MOB3B: variants seen among roughly 807,000 people sequenced by gnomAD.
MOB3B encodes the protein MOB kinase activator 3B.
MOB3B carries 7 observed loss-of-function variants against 18.7 expected under a neutral mutation model. That is an observed-to-expected ratio of 0.37 (90% CI 0.21 to 0.70). The LOEUF (loss-of-function observed/expected upper bound fraction) is 0.70. Ranked by LOEUF, MOB3B falls within the 30% of genes least tolerant of loss-of-function variation. MOB3B has a pLI of 0.52. For synonymous variants in MOB3B, 111 were observed against 99.9 expected (o/e 1.11, Z -0.66); for missense variants, 253 against 281.3 (o/e 0.90, Z 0.72).
intron 2 of MOB3B, among the ~76,000 whole-genome samples, chr9:27,417,189 C>T (rs752209604): frequency 1.2e-4 from 18 of 152,024 alleles, no homozygotes; most frequent in South Asian, 8.3e-4. Context: ...CCGTGAAACC[C>T]CGTCTCTACT....
At position 27,328,655 on chromosome 9, in the gene MOB3B, G is replaced by T. The variant is rs1024555333; in HGVS notation, c.*1932C>A. 1 of 152,154 alleles carries T rather than the reference G, an allele frequency of 6.6e-6. No individual in the cohort carries two copies. The highest frequency in any genetic ancestry group is 1.5e-5 in the Non-Finnish European group (1 of 68,036). 9.4% of individuals were successfully genotyped at this position (152,154 alleles called of 1,614,324 possible). On this transcript the variant is annotated 3_prime_UTR_variant, in exon 4 of 4. Transcript: ENST00000262244. ...CTTTTTAATGTAAAAATCCTGTGGC[G>T]TTCCATGATGCACAGCTACAGAGTT... is the stretch of plus-strand genomic sequence containing the variant.
intron 1 of MOB3B, among the ~76,000 whole-genome samples, chr9:27,505,886 T>G (rs1456165947): frequency 1.3e-5 from 2 of 152,180 alleles, no homozygotes; most frequent in Non-Finnish European, 2.9e-5. Flanking sequence ...CTCTTCCTTC[T>G]CTTTGACTCT....
At chr9:27,402,931 G>A (rs996958577) in intron 2 of MOB3B, among the ~76,000 whole-genome samples, 1 of 152,198 alleles carries the variant, frequency 6.6e-6, no homozygotes, top group African/African-American at 2.4e-5. Flanking sequence ...ACCCTCCCAT[G>A]GTACTGTATA....
Position 27,378,717 on chromosome 9 carries a change from C to T in MOB3B, c.419-19481G>A, listed in dbSNP as rs751953193. The T allele has an allele frequency of 2.3e-5, 11 of 470,464 alleles. 1 individual carries two copies. The highest frequency in any genetic ancestry group is 1.7e-4 in the South Asian group (11 of 64,474). 29.1% of individuals were successfully genotyped at this position (470,464 alleles called of 1,614,324 possible). A position where few individuals can be genotyped will look rare whatever the true frequency, so the allele number is the denominator to read the frequency against. ...TGTGCATCTTTGAGTATTGCATGTG[C>T]ATGGGCAGAGCTGGGCATGTGACCA... On this transcript the variant is annotated intron_variant, in intron 2 of 3. Transcript: ENST00000262244.
chr9:27,432,083 A>G (rs1217793004), intron 2 of MOB3B, among the ~76,000 whole-genome samples: 1 of 152,224 alleles, frequency 6.6e-6, no homozygotes, highest in East Asian at 1.9e-4. Flanking sequence ...AAAATAAACC[A>G]GAAACTTGCA....
chr9:27,455,239 G>A lies in MOB3B; in HGVS notation c.312C>T (p.Leu104=). ...PKYEYRWQDD[L]KYKKPTALPA... ...GCAGCGCTGTTGGCTTCTTATACTTGAGATCATCCTGCCACCGATACTCAT... is the reference window on the plus strand; with the variant it reads ...GCAGCGCTGTTGGCTTCTTATACTTAAGATCATCCTGCCACCGATACTCAT... The change falls in exon 2 of 4, where the codon CTC becomes CTT. Residue 104 remains leucine, a synonymous_variant. Transcript: ENST00000262244. 6.2e-7 allele frequency: 1 copy of A among 1,614,134 alleles called. No individual in the cohort carries two copies. The highest frequency in any genetic ancestry group is 8.5e-7 in the Non-Finnish European group (1 of 1,180,008).
intron 3 of MOB3B, among the ~76,000 whole-genome samples, chr9:27,342,488 C>A (rs1052745837): frequency 2.0e-5 from 3 of 151,826 alleles, no homozygotes; most frequent in Admixed American, 6.6e-5. Context: ...TCTCCCCGGT[C>A]TCCCTCTGAT....
intron 1 of MOB3B, among the ~76,000 whole-genome samples, chr9:27,461,831 A>C (rs1457048574): frequency 6.6e-6 from 1 of 152,238 alleles, no homozygotes; most frequent in Non-Finnish European, 1.5e-5. Context: ...TTTTCAGCAA[A>C]AACCTATAAT....
intron 1 of MOB3B, among the ~76,000 whole-genome samples, chr9:27,459,876 C>CAAAAAAAAAAA (rs35792761): frequency 1.2e-5 from 1 of 86,742 alleles, no homozygotes; most frequent in Non-Finnish European, 2.3e-5. Flanking sequence ...TTTCAGTCTC[C>CAAAAAAAAAAA]AAAAAAAAAA....
At chr9:27,407,462 T>C (rs969647128) in intron 2 of MOB3B, among the ~76,000 whole-genome samples, 4 of 152,172 alleles carry the variant, frequency 2.6e-5, no homozygotes, top group African/African-American at 9.7e-5. Flanking sequence ...TCACACTCAC[T>C]GCTTGATGGA....
In MOB3B at chr9:27,442,744, G is replaced by A. The variant is rs937912426; in HGVS notation, c.418+12389C>T. Reference sequence around the variant, plus strand: ...ATAATATTATATTGTTGCTTTGCCAGCCCAGTTTGACTTTGAGCTCTCTCA... The same window carrying A: ...ATAATATTATATTGTTGCTTTGCCAACCCAGTTTGACTTTGAGCTCTCTCA... On this transcript the variant is annotated intron_variant, in intron 2 of 3. Transcript: ENST00000262244. 2.0e-5 allele frequency among the ~76,000 whole-genome samples: 3 copies of A among 152,142 alleles called. No individual in the cohort carries two copies. The East Asian group carries it at 5.8e-4, about 29-fold the overall frequency.
At chr9:27,384,722 T>A (rs1431558296) in intron 2 of MOB3B, among the ~76,000 whole-genome samples, 1 of 152,136 alleles carries the variant, frequency 6.6e-6, no homozygotes, top group East Asian at 1.9e-4. Context: ...TGGCTGGGTG[T>A]CAGACGGAAG....
At chr9:27,353,287 G>T (rs1821135561) in intron 3 of MOB3B, among the ~76,000 whole-genome samples, 1 of 152,202 alleles carries the variant, frequency 6.6e-6, no homozygotes, top group South Asian at 2.1e-4. Flanking sequence ...GATCCCTGGT[G>T]ATTCACATGC....
At chr9:27,485,205 TG>T (rs1819715996) in intron 1 of MOB3B, among the ~76,000 whole-genome samples, 1 of 152,164 alleles carries the variant, frequency 6.6e-6, no homozygotes, top group African/African-American at 2.4e-5. Context: ...AAACAACCCA[TG>T]AGGTAAGTAC....
At chr9:27,525,675 T>G (rs568417171) in intron 1 of MOB3B, among the ~76,000 whole-genome samples, 1 of 152,078 alleles carries the variant, frequency 6.6e-6, no homozygotes, top group East Asian at 1.9e-4. Context: ...GATTCCTACA[T>G]CTAAAGGCAT....
At chr9:27,494,661 C>T (rs542624675) in intron 1 of MOB3B, among the ~76,000 whole-genome samples, 154 of 152,204 alleles carry the variant, frequency 1.0e-3, no homozygotes, top group African/African-American at 3.4e-3. Context: ...ACTACAGGCA[C>T]GCACCACCAA....
chr9:27,435,047 TTCTCTCTCTCTC>T lies in MOB3B; in HGVS notation c.418+20074_418+20085del, dbSNP rs60408942. 4.4e-4 allele frequency among the ~76,000 whole-genome samples: 64 copies of T among 145,940 alleles called. 1 individual carries two copies. Among genetic ancestry groups the T allele is most frequent in the East Asian group, 2.1e-3 (10 of 4,872 alleles). On this transcript the variant is annotated intron_variant, in intron 2 of 3. Transcript: ENST00000262244. Reference sequence around the variant, plus strand: ...AAGGAAAATACCATTTGTAAGGTGTTTCTCTCTCTCTCTCTCTCTCTCTCTCTCTCTCTCTCT... The same window carrying T: ...AAGGAAAATACCATTTGTAAGGTGTTTCTCTCTCTCTCTCTCTCTCTCTCT...
intron 1 of MOB3B, among the ~76,000 whole-genome samples, chr9:27,510,068 A>G (rs887218025): frequency 6.6e-6 from 1 of 152,200 alleles, no homozygotes; most frequent in East Asian, 1.9e-4. Flanking sequence ...CTATGTACTT[A>G]ACTAATAACT....
intron 3 of MOB3B, among the ~76,000 whole-genome samples, chr9:27,345,782 C>T (rs1372426277): frequency 6.6e-6 from 1 of 152,094 alleles, no homozygotes; most frequent in Non-Finnish European, 1.5e-5. Flanking sequence ...TTCATGGGCT[C>T]AGGTATCTAA....
Sources: allele counts gnomAD v4.1 joint callset (sites outside exome capture counted in the v4.1 genomes callset), GRCh38; gene constraint gnomAD v4.1.1; transcripts MANE v1.5; gene names NCBI Gene and HGNC (gene_info 2026-07-23, HGNC 2026-07-21).